The following SMARCB1 variants were observed in gnomAD, a reference collection of about 807,000 sequenced individuals.
The protein encoded by SMARCB1 is SWI/SNF related BAF chromatin remodeling complex subunit B1, also known as SWI/SNF-related matrix-associated actin-dependent regulator of chromatin subfamily B member 1.
A neutral mutation model predicts 49.0 loss-of-function variants in SMARCB1; 5 were observed. The observed-to-expected ratio is 0.10, with a 90% CI of 0.05 to 0.21. The LOEUF (loss-of-function observed/expected upper bound fraction) is 0.21, where lower values mean the gene tolerates loss of function less well. Among genes scored for constraint, SMARCB1 ranks in the 10% least tolerant of loss-of-function variants. SMARCB1 has a pLI of 1.00. For synonymous variants in SMARCB1, 201 were observed against 200.1 expected (o/e 1.00, Z -0.04); for missense variants, 226 against 509.2 (o/e 0.44, Z 5.35).
rs76350592 is a variant in SMARCB1 at position 23,791,599 on chromosome 22, C to T, written c.94-157C>T. Among the ~76,000 whole-genome samples, 3,160 of 152,320 alleles carry T rather than the reference C, an allele frequency of 0.021. 113 individuals are homozygous for T. Among genetic ancestry groups the T allele is most frequent in the African/African-American group, 0.072 (2,997 of 41,550 alleles). ...AGATGTGCACTGCTGGTGAACCCTT[C>T]ATATCAGCAGAATGTGTTTTAATGC... On this transcript the variant is annotated intron_variant, in intron 1 of 8. Coordinates refer to ENST00000644036, the MANE Select transcript of SMARCB1 (RefSeq NM_003073.5).
Position 23,837,343 on chromosome 22 carries a change from A to G in SMARCB1, c.*3163A>G, listed in dbSNP as rs527608229. On this transcript the variant is annotated 3_prime_UTR_variant, in exon 9 of 9. Coordinates refer to ENST00000644036, the MANE Select transcript of SMARCB1 (RefSeq NM_003073.5). ...GGACAAGCTTAAAAGGCCCAGAAGCAGGCAGGACCCAGGGAGGGGAGGGCC... is the reference window on the plus strand; with the variant it reads ...GGACAAGCTTAAAAGGCCCAGAAGCGGGCAGGACCCAGGGAGGGGAGGGCC... 16 of 765,126 alleles carry G rather than the reference A, an allele frequency of 2.1e-5. No homozygotes were observed. In the South Asian group the frequency reaches 2.3e-4, roughly 11 times the overall value. The allele number at this position is 765,126 out of a possible 1,614,324, so 47.4% of individuals were successfully genotyped here. A position where few individuals can be genotyped will look rare whatever the true frequency, so the allele number is the denominator to read the frequency against.
At chr22:23,792,388 G>A (rs796682855) in intron 2 of SMARCB1, 20 of 297,194 alleles carry the variant, frequency 6.7e-5, no homozygotes, top group East Asian at 3.4e-4. Flanking sequence ...GGTGGCCTGC[G>A]TGTGCCTGGG....
chr22:23,831,530 C>T (rs1003200289), intron 7 of SMARCB1, among the ~76,000 whole-genome samples: 12 of 152,156 alleles, frequency 7.9e-5, no homozygotes, highest in African/African-American at 2.7e-4. Flanking sequence ...ACAGCATCTC[C>T]ATGCCCACAT....
rs11541580 is a variant in SMARCB1, at chr22:23,834,213, T to G, written c.*33T>G. 6.3e-4 allele frequency: 982 copies of G among 1,566,834 alleles called. No individual in the cohort carries two copies. The highest frequency in any genetic ancestry group is 8.0e-4 in the Non-Finnish European group (923 of 1,155,308). The stretch of plus-strand genomic sequence containing the variant: ...ATCAGCACACGGCTCCCACGGAGCA[T>G]CTCAGAAGATTGGGCCGCCTCTCCT... On this transcript the variant is annotated 3_prime_UTR_variant, in exon 9 of 9. Coordinates refer to ENST00000644036, the MANE Select transcript of SMARCB1 (RefSeq NM_003073.5).
At chr22:23,793,462 C>T (rs1403457573) in intron 2 of SMARCB1, 97 bp from the exon 3 acceptor site, 4 of 1,301,980 alleles carry the variant, frequency 3.1e-6, no homozygotes, top group African/African-American at 1.4e-5. Context: ...TTTCCCACCT[C>T]CCGCATGCGA....
At chr22:23,790,833 C>T (rs1928333624) in intron 1 of SMARCB1, among the ~76,000 whole-genome samples, 1 of 151,726 alleles carries the variant, frequency 6.6e-6, no homozygotes, top group South Asian at 2.1e-4. Flanking sequence ...GGTGACAGAG[C>T]GAGACCCTGT....
chr22:23,828,915 C>T (rs2030520643), intron 7 of SMARCB1, among the ~76,000 whole-genome samples: 1 of 152,204 alleles, frequency 6.6e-6, no homozygotes, highest in East Asian at 1.9e-4. Flanking sequence ...GTGGGACAGA[C>T]AGGAGACAAG....
Position 23,836,842 on chromosome 22 carries a change from C to A in SMARCB1, c.*2662C>A, listed in dbSNP as rs113084135. 1.5e-5 allele frequency: 22 copies of A among 1,438,368 alleles called. No homozygotes were observed. In the African/African-American group the frequency reaches 1.9e-4, roughly 12 times the overall value. 89.1% of individuals were successfully genotyped at this position (1,438,368 alleles called of 1,614,324 possible). A position where few individuals can be genotyped will look rare whatever the true frequency, so the allele number is the denominator to read the frequency against. On this transcript the variant is annotated 3_prime_UTR_variant, in exon 9 of 9. Transcript: ENST00000644036. ...TGGGTAGGATGGAAGCTGCCAGAAGCCTCTTAGGCCTGGCCCTGGGTGGGG... is the reference window on the plus strand; with the variant it reads ...TGGGTAGGATGGAAGCTGCCAGAAGACTCTTAGGCCTGGCCCTGGGTGGGG...
rs572902132 is a variant in SMARCB1 at position 23,808,819 on chromosome 22, C to T, written c.628+5397C>T. Among the ~76,000 whole-genome samples, 187 of 151,878 alleles carry T rather than the reference C, an allele frequency of 1.2e-3. 1 individual carries two copies. The highest frequency in any genetic ancestry group is 2.2e-3 in the Non-Finnish European group (147 of 67,970). The stretch of plus-strand genomic sequence containing the variant: ...GTTCAAGTGATTCTCCTGCCTCAGC[C>T]TCCTGAGTAGCTGGGATTACAGGCA... On this transcript the variant is annotated intron_variant, in intron 5 of 8. Coordinates refer to ENST00000644036, the MANE Select transcript of SMARCB1 (RefSeq NM_003073.5).
chr22:23,788,710 C>T (rs1008272277), intron 1 of SMARCB1, among the ~76,000 whole-genome samples: 24 of 152,248 alleles, frequency 1.6e-4, no homozygotes, highest in Non-Finnish European at 2.5e-4. Context: ...TCACACTCAG[C>T]GCATTCATAC....
intron 5 of SMARCB1, among the ~76,000 whole-genome samples, chr22:23,812,444 A>G (rs1169784008): frequency 6.6e-6 from 1 of 152,212 alleles, no homozygotes; most frequent in Admixed American, 6.5e-5. Context: ...CTTCCAGAAA[A>G]TGGAAGAGGA....
At position 23,837,842 on chromosome 22, in the gene SMARCB1, GGAGTCCCAGCAGCTGGGCCA is replaced by G. The variant is rs747899309; in HGVS notation, c.*3668_*3687del. 3 of 1,612,158 alleles carry G rather than the reference GGAGTCCCAGCAGCTGGGCCA, an allele frequency of 1.9e-6. No homozygotes were observed. The highest frequency in any genetic ancestry group is 2.5e-6 in the Non-Finnish European group (3 of 1,178,976). On this transcript the variant is annotated 3_prime_UTR_variant, in exon 9 of 9. Coordinates refer to ENST00000644036, the MANE Select transcript of SMARCB1 (RefSeq NM_003073.5). ...TGGCCCAGGAAGAACAGGCTGCCCA[GGAGTCCCAGCAGCTGGGCCA>G]GAGTCAAGGTGCTCCGGTGCAGGCC...
chr22:23,792,758 C>T (rs1384356624), intron 2 of SMARCB1: 2 of 154,642 alleles, frequency 1.3e-5, no homozygotes, highest in Non-Finnish European at 2.9e-5. Context: ...ATGACATTTC[C>T]ACTCACTTGC....
Position 23,793,324 on chromosome 22 carries a change from G to A in SMARCB1, c.233-235G>A. 3 of 605,352 alleles carry A rather than the reference G, an allele frequency of 5.0e-6. No homozygotes were observed. The South Asian group carries it at 5.2e-5, about 10-fold the overall frequency. The allele number at this position is 605,352 out of a possible 1,614,324, so 37.5% of individuals were successfully genotyped here. On this transcript the variant is annotated intron_variant, in intron 2 of 8. Coordinates refer to ENST00000644036, the MANE Select transcript of SMARCB1 (RefSeq NM_003073.5). ...CCCTCTGCCCCGAGCCAGTGCTCCTGGGGCAGATTAGTCCAAATCAGTCCC... is the reference window on the plus strand; with the variant it reads ...CCCTCTGCCCCGAGCCAGTGCTCCTAGGGCAGATTAGTCCAAATCAGTCCC...
intron 5 of SMARCB1, among the ~76,000 whole-genome samples, chr22:23,813,404 A>C (rs146249437): frequency 3.9e-5 from 6 of 152,364 alleles, no homozygotes; most frequent in African/African-American, 9.6e-5. Flanking sequence ...GAAAACTTGG[A>C]GAACTAATAA....
intron 6 of SMARCB1, among the ~76,000 whole-genome samples, chr22:23,819,161 A>G (rs1372409637): frequency 6.6e-6 from 1 of 152,070 alleles, no homozygotes; most frequent in African/African-American, 2.4e-5. Flanking sequence ...CTCCTTTCTT[A>G]TTAAGGCTAA....
At chr22:23,809,054 C>T (rs900146638) in intron 5 of SMARCB1, among the ~76,000 whole-genome samples, 3 of 150,842 alleles carry the variant, frequency 2.0e-5, no homozygotes, top group Non-Finnish European at 2.9e-5. Flanking sequence ...AGGATGGTCT[C>T]GATCTCCTGA....
chr22:23,804,234 C>T (rs1337265620), intron 5 of SMARCB1: 1 of 151,854 alleles, frequency 6.6e-6, no homozygotes, highest in African/African-American at 2.4e-5. Flanking sequence ...GACAGAGTCC[C>T]ACTCTGTTGC....
At position 23,793,650 on chromosome 22, in the gene SMARCB1, G is replaced by A. The variant is rs1416305331; in HGVS notation, c.324G>A (p.Lys108=). Residue 108 remains lysine (K), a synonymous_variant, in exon 3 of 9, where the codon AAG becomes AAA. Coordinates refer to ENST00000644036, the MANE Select transcript of SMARCB1 (RefSeq NM_003073.5). ...TGGATGGCAACGATGAGAAGTACAA[G>A]GCTGTGTCCATCAGCACAGAGCCCC... The part of the protein sequence containing the change: ...EILDGNDEKY[K]AVSISTEPPT... The A allele has an allele frequency of 1.2e-6, 2 of 1,614,200 alleles. No individual in the cohort carries two copies. Among genetic ancestry groups the A allele is most frequent in the Non-Finnish European group, 1.7e-6 (2 of 1,180,042 alleles).
Sources: allele counts gnomAD v4.1 joint callset (sites outside exome capture counted in the v4.1 genomes callset), GRCh38; gene constraint gnomAD v4.1.1; transcripts MANE v1.5; gene names NCBI Gene and HGNC (gene_info 2026-07-23, HGNC 2026-07-21).